TNRC6A: variants seen among roughly 807,000 people sequenced by gnomAD.
TNRC6A encodes trinucleotide repeat containing adaptor 6A.
TNRC6A carries 44 observed loss-of-function variants against 221.2 expected under a neutral mutation model. The observed-to-expected ratio is 0.20, with a 90% CI of 0.16 to 0.26. TNRC6A has a LOEUF of 0.26. TNRC6A is among the 10% of genes least tolerant of loss of function. TNRC6A has a pLI of 1.00. For synonymous variants in TNRC6A, 847 were observed against 838.5 expected (o/e 1.01, Z -0.18); for missense variants, 2,199 against 2,404.4 (o/e 0.91, Z 1.79).
intron 2 of TNRC6A, among the ~76,000 whole-genome samples, chr16:24,716,762 A>G (rs540807441): frequency 6.6e-6 from 1 of 151,998 alleles, no homozygotes; most frequent in Non-Finnish European, 1.5e-5. Flanking sequence ...GATAGAGACC[A>G]TCCTGGCCAA....
At chr16:24,647,526 T>C (rs901126131) in intron 2 of TNRC6A, among the ~76,000 whole-genome samples, 1 of 152,196 alleles carries the variant, frequency 6.6e-6, no homozygotes, top group African/African-American at 2.4e-5. Flanking sequence ...TAATCATCTG[T>C]AGGTATACAT....
chr16:24,759,951 A>G (rs1567433949), intron 4 of TNRC6A, among the ~76,000 whole-genome samples: 2 of 151,970 alleles, frequency 1.3e-5, no homozygotes, highest in Non-Finnish European at 2.9e-5. Context: ...CTAAAACTCT[A>G]TTTTCCCCAC....
chr16:24,805,300 T>A (rs2151985268), intron 14 of TNRC6A, 149 bp downstream of exon 14: 1 of 1,188,510 alleles, frequency 8.4e-7, no homozygotes, highest in Non-Finnish European at 1.2e-6. Context: ...TAAAAAAGGT[T>A]GTAGTAAGGA....
chr16:24,673,447 T>C (rs2142008608), intron 2 of TNRC6A, among the ~76,000 whole-genome samples: 1 of 152,348 alleles, frequency 6.6e-6, no homozygotes, highest in Non-Finnish European at 1.5e-5. Context: ...AGGTCCACTT[T>C]GCAAGGGGCC....
chr16:24,630,900 G>A (rs1294569075), intron 1 of TNRC6A, among the ~76,000 whole-genome samples: 1 of 152,164 alleles, frequency 6.6e-6, no homozygotes, highest in Non-Finnish European at 1.5e-5. Context: ...GATGTGGTAT[G>A]TGCCTCTCTA....
In TNRC6A at chr16:24,823,300, T is replaced by C; in HGVS notation, c.5514-132T>C. 1 of 1,158,576 alleles carries C rather than the reference T, an allele frequency of 8.6e-7. No homozygotes were observed. The highest frequency in any genetic ancestry group is 1.2e-6 in the Non-Finnish European group (1 of 825,522). 71.8% of individuals were successfully genotyped at this position (1,158,576 alleles called of 1,614,324 possible). A position where few individuals can be genotyped will look rare whatever the true frequency, so the allele number is the denominator to read the frequency against. On this transcript the variant is annotated intron_variant, in intron 24 of 24. Coordinates refer to ENST00000395799, the MANE Select transcript of TNRC6A (RefSeq NM_014494.4). This position sits in a 1 kb window ranked among gnomAD's most constrained non-coding sequence, Gnocchi z 4.3. ...TCGGGTGAAGGGAGGGCACGCAGGT[T>C]ATGTGGTGTAGTCTCTCCCTCTGTG...
chr16:24,806,502 G>T, intron 16 of TNRC6A, 72 bp from the exon 17 acceptor site: 5 of 1,561,022 alleles, frequency 3.2e-6, no homozygotes, highest in Non-Finnish European at 4.4e-6. Context: ...TTCAAAAATG[G>T]AGAGGAATAT....
intron 4 of TNRC6A, among the ~76,000 whole-genome samples, chr16:24,759,859 G>A (rs985061526): frequency 6.6e-6 from 1 of 152,156 alleles, no homozygotes; most frequent in Non-Finnish European, 1.5e-5. Flanking sequence ...TTTGAACTTG[G>A]AATGTCTAAG....
rs546329942 is a variant in TNRC6A, at chr16:24,613,983, G to GT, written n.276+3500dup. On this transcript the variant is annotated intron_variant and non_coding_transcript_variant, in intron 1 of 2. Coordinates refer to the TNRC6A transcript ENST00000566108. Reference sequence around the variant, plus strand: ...ACCATCACTTATAACTCCTAACTCTGTGAGTTGGAAGTGGCAGCTGGGATC... The same window carrying GT: ...ACCATCACTTATAACTCCTAACTCTGTTGAGTTGGAAGTGGCAGCTGGGATC... 3.3e-3 allele frequency among the ~76,000 whole-genome samples: 499 copies of GT among 152,330 alleles called. 5 individuals carry two copies. Among genetic ancestry groups the GT allele is most frequent in the South Asian group, 3.7e-3 (18 of 4,822 alleles).
chr16:24,820,022 TAA>T (rs1444990424), intron 21 of TNRC6A, 115 bp from the exon 22 acceptor site: 2 of 970,816 alleles, frequency 2.1e-6, no homozygotes, highest in Non-Finnish European at 3.0e-6. Context: ...TTTGGGGTTT[TAA>T]AGTTTCTTTT....
intron 15 of TNRC6A, 143 bp from the exon 16 acceptor site, chr16:24,806,063 A>T (rs1320203872): frequency 2.3e-6 from 2 of 870,608 alleles, no homozygotes; most frequent in Non-Finnish European, 3.5e-6. Context: ...AGTCCAAGGA[A>T]GAGATGGTAC....
intron 1 of TNRC6A, among the ~76,000 whole-genome samples, chr16:24,612,337 G>A (rs1010352302): frequency 6.6e-6 from 1 of 152,140 alleles, no homozygotes; most frequent in Non-Finnish European, 1.5e-5. Context: ...GAGGCAAGGA[G>A]CAGCTCATTA....
chr16:24,718,081 T>G (rs1272123753), intron 2 of TNRC6A, among the ~76,000 whole-genome samples: 1 of 152,122 alleles, frequency 6.6e-6, no homozygotes, highest in African/African-American at 2.4e-5. Context: ...GCCTGCCTGT[T>G]CATTCTTCGT....
At chr16:24,617,182 GT>G (rs1258842522) in intron 1 of TNRC6A, among the ~76,000 whole-genome samples, 1 of 149,672 alleles carries the variant, frequency 6.7e-6, no homozygotes, top group Admixed American at 6.7e-5. Flanking sequence ...CTGGAGTGCA[GT>G]GGTGCAATCA....
intron 2 of TNRC6A, among the ~76,000 whole-genome samples, chr16:24,665,705 T>A (rs2055144228): frequency 6.6e-6 from 1 of 152,174 alleles, no homozygotes. Context: ...CCCTTCCCAG[T>A]TATGACAATA....
At chr16:24,753,044 A>G (rs1331981437) in intron 3 of TNRC6A, among the ~76,000 whole-genome samples, 1 of 152,230 alleles carries the variant, frequency 6.6e-6, no homozygotes, top group Non-Finnish European at 1.5e-5. Flanking sequence ...TAATTGTTAC[A>G]AGTAAATCTT....
chr16:24,760,928 G>A (rs1262927097), intron 4 of TNRC6A, among the ~76,000 whole-genome samples: 2 of 152,140 alleles, frequency 1.3e-5, no homozygotes, highest in Admixed American at 6.5e-5. Flanking sequence ...AGGATCCGAT[G>A]CGAAATGCTG....
At chr16:24,761,491 C>G (rs1416202805) in intron 4 of TNRC6A, among the ~76,000 whole-genome samples, 1 of 151,866 alleles carries the variant, frequency 6.6e-6, no homozygotes, top group African/African-American at 2.4e-5. Flanking sequence ...TCAGAGTGTC[C>G]TTGGGAACTT....
chr16:24,718,724 A>G (rs1415774317), intron 2 of TNRC6A, among the ~76,000 whole-genome samples: 1 of 152,074 alleles, frequency 6.6e-6, no homozygotes, highest in Middle Eastern at 3.2e-3. Context: ...TTTGGTGGTG[A>G]TGTGGATTTC....
Sources: allele counts gnomAD v4.1 joint callset (sites outside exome capture counted in the v4.1 genomes callset), GRCh38; gene constraint gnomAD v4.1.1; non-coding constraint Gnocchi (gnomAD v3.1); transcripts MANE v1.5; gene names NCBI Gene and HGNC (gene_info 2026-07-23, HGNC 2026-07-21).